The following POU2F1 variants were observed in gnomAD, a reference collection of about 807,000 sequenced individuals.
The protein encoded by POU2F1 is POU class 2 homeobox 1, also known as POU domain, class 2, transcription factor 1.
In POU2F1, 16 loss-of-function variants were observed where a neutral mutation model predicts 84.9. That is an observed-to-expected ratio of 0.19 (90% CI 0.13 to 0.29). POU2F1 has a LOEUF of 0.29. Ranked by LOEUF, POU2F1 falls within the 10% of genes least tolerant of loss-of-function variation. The pLI is 1.00. For synonymous variants in POU2F1, 368 were observed against 368.3 expected, an observed-to-expected ratio of 1.00 and a Z score of 0.01; for missense variants, 738 against 942.6, an observed-to-expected ratio of 0.78 and a Z score of 2.84.
chr1:167,273,118 T>C (rs1470633915), intron 1 of POU2F1, among the ~76,000 whole-genome samples: 1 of 152,104 alleles, frequency 6.6e-6, no homozygotes, highest in Non-Finnish European at 1.5e-5. Context: ...ATCTTAAAGC[T>C]CCAAAATAAT....
rs78365525 is a variant in POU2F1 at position 167,290,119 on chromosome 1, G to A, written c.62-42351G>A. Reference sequence around the variant, plus strand: ...CTAAGATTGCATGAAGGCTGGGTGCGGTGGTTCATGCCTGTAATCCCAGCA... The same window carrying A: ...CTAAGATTGCATGAAGGCTGGGTGCAGTGGTTCATGCCTGTAATCCCAGCA... On this transcript the variant is annotated intron_variant, in intron 1 of 15. Transcript: ENST00000367866. 5.5e-3 allele frequency among the ~76,000 whole-genome samples: 832 copies of A among 152,204 alleles called. 10 individuals carry two copies. The highest frequency in any genetic ancestry group is 0.019 in the African/African-American group (788 of 41,510).
rs532840742 is a variant in POU2F1 at position 167,416,310 on chromosome 1, A to G, written c.*500A>G. On this transcript the variant is annotated 3_prime_UTR_variant, in exon 16 of 16. Coordinates refer to ENST00000367866, the MANE Select transcript of POU2F1 (RefSeq NM_002697.4). ...GCCATTAAGTCATAACAAGGTGTTT[A>G]TAATCGTATCAATTGTGTTGGGGGT... is the stretch of plus-strand genomic sequence containing the variant. 5 of 248,154 alleles carry G rather than the reference A, an allele frequency of 2.0e-5. No individual in the cohort carries two copies. In the East Asian group the frequency reaches 5.6e-4, roughly 28 times the overall value. The allele number at this position is 248,154 out of a possible 1,614,324, so 15.4% of individuals were successfully genotyped here. A position where few individuals can be genotyped will look rare whatever the true frequency, so the allele number is the denominator to read the frequency against.
chr1:167,313,956 T>G (rs1335334789), intron 1 of POU2F1, among the ~76,000 whole-genome samples: 1 of 152,128 alleles, frequency 6.6e-6, no homozygotes, highest in African/African-American at 2.4e-5. Flanking sequence ...CCCAGAACTT[T>G]GGGAGGCTGA....
At chr1:167,375,859 A>T (rs934651254) in intron 6 of POU2F1, among the ~76,000 whole-genome samples, 170 bp from the exon 7 acceptor site, 3 of 152,234 alleles carry the variant, frequency 2.0e-5, no homozygotes, top group Non-Finnish European at 2.9e-5. Context: ...AGGTTGCTTC[A>T]CGTGCTTTGT....
chr1:167,381,304 C>G (rs1331802700), intron 7 of POU2F1, among the ~76,000 whole-genome samples: 1 of 152,090 alleles, frequency 6.6e-6, no homozygotes, highest in Non-Finnish European at 1.5e-5. Context: ...AGGATGGTCT[C>G]GATTTCCTGA....
chr1:167,262,174 G>A (rs186945971), intron 1 of POU2F1, among the ~76,000 whole-genome samples: 2 of 152,010 alleles, frequency 1.3e-5, no homozygotes, highest in East Asian at 3.9e-4. Context: ...TGCTTTTTTT[G>A]AGATGGGGTC....
At chr1:167,337,567 C>T (rs983253577) in intron 2 of POU2F1, among the ~76,000 whole-genome samples, 41 of 151,872 alleles carry the variant, frequency 2.7e-4, no homozygotes, top group East Asian at 1.4e-3. Flanking sequence ...CTTCTGCCAA[C>T]GAAGAGGCAG....
chr1:167,279,146 T>C (rs563619351), intron 1 of POU2F1, among the ~76,000 whole-genome samples: 3 of 152,210 alleles, frequency 2.0e-5, no homozygotes, highest in Non-Finnish European at 4.4e-5. Flanking sequence ...ACACATTATG[T>C]GTAGAATATG....
At chr1:167,391,115 A>T (rs187821866) in intron 9 of POU2F1, among the ~76,000 whole-genome samples, 165 of 152,140 alleles carry the variant, frequency 1.1e-3, no homozygotes, top group African/African-American at 3.5e-3. Context: ...TAAATAATAT[A>T]TTTTTTTAGA....
chr1:167,344,020 G>T (rs958591991), intron 2 of POU2F1, among the ~76,000 whole-genome samples: 1 of 152,046 alleles, frequency 6.6e-6, no homozygotes, highest in South Asian at 2.1e-4. Flanking sequence ...AGGAAGAGGA[G>T]CCCATGCCTT....
intron 12 of POU2F1, among the ~76,000 whole-genome samples, chr1:167,400,561 T>C (rs75730888): frequency 0.025 from 3,748 of 152,278 alleles, 148 homozygotes; most frequent in African/African-American, 0.083. Flanking sequence ...TCATCTCAGG[T>C]CTTTTACTTT....
chr1:167,395,244 T>C (rs1008787485), intron 9 of POU2F1, among the ~76,000 whole-genome samples: 1 of 152,242 alleles, frequency 6.6e-6, no homozygotes, highest in African/African-American at 2.4e-5. Flanking sequence ...TTGTAATATA[T>C]TCAGGGCATC....
chr1:167,377,926 C>G (rs530758659), intron 7 of POU2F1, among the ~76,000 whole-genome samples: 2 of 152,114 alleles, frequency 1.3e-5, no homozygotes, highest in Non-Finnish European at 2.9e-5. Context: ...ATATGCACCA[C>G]ATTTTTTTTA....
chr1:167,316,215 CAA>C (rs1227586027), intron 1 of POU2F1, among the ~76,000 whole-genome samples: 1 of 152,160 alleles, frequency 6.6e-6, no homozygotes, highest in African/African-American at 2.4e-5. Flanking sequence ...TACTTTATAT[CAA>C]GAGCAATTGT....
At chr1:167,257,094 A>C (rs1234148570) in intron 1 of POU2F1, among the ~76,000 whole-genome samples, 1 of 152,206 alleles carries the variant, frequency 6.6e-6, no homozygotes, top group Non-Finnish European at 1.5e-5. Flanking sequence ...TAAGTTGGGT[A>C]GGTGAGCTGT....
Position 167,425,882 on chromosome 1 carries a change from T to C in POU2F1, c.*10072T>C, listed in dbSNP as rs1344689587. 1.3e-5 allele frequency: 2 copies of C among 151,854 alleles called. No homozygotes were observed. The highest frequency in any genetic ancestry group is 4.8e-5 in the African/African-American group (2 of 41,364). The allele number at this position is 151,854 out of a possible 1,614,324, so 9.4% of individuals were successfully genotyped here. Reference sequence around the variant, plus strand: ...TCTTTATTGTAGTTTTCTTTCCTTTTTGCAGCACCACTGTGCAACTATGCA... The same window carrying C: ...TCTTTATTGTAGTTTTCTTTCCTTTCTGCAGCACCACTGTGCAACTATGCA... On this transcript the variant is annotated 3_prime_UTR_variant, in exon 16 of 16. Transcript: ENST00000367866.
intron 13 of POU2F1, among the ~76,000 whole-genome samples, chr1:167,406,526 G>T (rs1315623897): frequency 6.6e-6 from 1 of 152,090 alleles, no homozygotes; most frequent in Non-Finnish European, 1.5e-5. Context: ...ATAGCCTCCA[G>T]TAAGGGGGAG....
intron 1 of POU2F1, among the ~76,000 whole-genome samples, chr1:167,312,065 A>C (rs1311199502): frequency 6.6e-6 from 1 of 151,666 alleles, no homozygotes; most frequent in East Asian, 1.9e-4. Flanking sequence ...CTCCTGAGTA[A>C]CTGGAATTAC....
chr1:167,311,812 T>TTTATTTATTTATTTA (rs1553206363), intron 1 of POU2F1, among the ~76,000 whole-genome samples: 13 of 70,472 alleles, frequency 1.8e-4, no homozygotes, highest in Admixed American at 1.2e-3. Context: ...TTATTTATTT[T>TTTATTTATTTATTTA]TTCTTTTGGA....
Sources: gnomAD v4.1 joint callset for allele counts (sites outside exome capture counted in the v4.1 genomes callset) on GRCh38, gnomAD v4.1.1 for gene constraint, MANE v1.5 for transcripts, NCBI Gene and HGNC (gene_info 2026-07-23, HGNC 2026-07-21) for gene names.